GRM8: variants seen among roughly 807,000 people sequenced by gnomAD.
GRM8 encodes metabotropic glutamate receptor 8.
GRM8 carries 47 observed loss-of-function variants against 87.2 expected under a neutral mutation model. The ratio of observed to expected loss-of-function variants is 0.54; its 90% CI spans 0.43 to 0.69. GRM8 has a LOEUF of 0.69. GRM8 is among the 30% of genes least tolerant of loss of function. The pLI is 0.00. For synonymous variants in GRM8, 396 were observed against 404.5 expected (o/e 0.98, Z 0.25); for missense variants, 1,019 against 1,139.2 (o/e 0.89, Z 1.52).
intron 3 of GRM8, among the ~76,000 whole-genome samples, chr7:126,940,467 C>A (rs1415967009): frequency 6.6e-6 from 1 of 152,100 alleles, no homozygotes; most frequent in Non-Finnish European, 1.5e-5. Context: ...ATATGGTGGG[C>A]ACTCACTGGA....
chr7:126,603,705 C>A (rs1798056217), intron 8 of GRM8, among the ~76,000 whole-genome samples: 1 of 152,000 alleles, frequency 6.6e-6, no homozygotes, highest in South Asian at 2.1e-4. Context: ...ATACTTATTT[C>A]ATAGGGTGAA....
chr7:126,585,891 G>T (rs1293965453), intron 8 of GRM8, among the ~76,000 whole-genome samples: 1 of 152,176 alleles, frequency 6.6e-6, no homozygotes, highest in East Asian at 1.9e-4. Context: ...AAGTCAAATT[G>T]TCCCTGTTTG....
At chr7:126,914,980 A>T (rs143560161) in intron 3 of GRM8, among the ~76,000 whole-genome samples, 290 of 152,350 alleles carry the variant, frequency 1.9e-3, no homozygotes, top group African/African-American at 6.7e-3. Context: ...CTTGGCACAG[A>T]GAGCCCCTCT....
At chr7:126,461,836 T>C (rs953837296) in intron 9 of GRM8, among the ~76,000 whole-genome samples, 3 of 151,722 alleles carry the variant, frequency 2.0e-5, no homozygotes, top group Admixed American at 6.6e-5. Flanking sequence ...TGGCTTAATG[T>C]ATTGTTTTTA....
At chr7:127,119,385 C>T (rs137930749) in intron 2 of GRM8, among the ~76,000 whole-genome samples, 2 of 152,026 alleles carry the variant, frequency 1.3e-5, no homozygotes, top group African/African-American at 2.4e-5. Flanking sequence ...ACTCAAGAGG[C>T]TGAGGTATGA....
At chr7:126,894,386 A>G (rs1430917493) in intron 6 of GRM8, among the ~76,000 whole-genome samples, 1 of 152,036 alleles carries the variant, frequency 6.6e-6, no homozygotes, top group Non-Finnish European at 1.5e-5. Context: ...GATTGTGTTT[A>G]TTCAGATACA....
At chr7:126,734,037 G>A (rs1419611804) in intron 7 of GRM8, among the ~76,000 whole-genome samples, 1 of 152,018 alleles carries the variant, frequency 6.6e-6, no homozygotes, top group Non-Finnish European at 1.5e-5. Context: ...ACAATTACCT[G>A]AAATAATGAG....
At chr7:127,232,313 C>T (rs1452382866) in intron 2 of GRM8, among the ~76,000 whole-genome samples, 1 of 152,036 alleles carries the variant, frequency 6.6e-6, no homozygotes, top group African/African-American at 2.4e-5. Flanking sequence ...TCACTGTAGC[C>T]TCAACCACCC....
chr7:126,870,029 C>T (rs1466863476), intron 6 of GRM8: 1 of 150,966 alleles, frequency 6.6e-6, no homozygotes, highest in Non-Finnish European at 1.5e-5. Context: ...ATCAATGCTC[C>T]TGGCTAGGTC....
chr7:126,674,085 C>T (rs1343719006), intron 7 of GRM8, among the ~76,000 whole-genome samples: 1 of 152,080 alleles, frequency 6.6e-6, no homozygotes, highest in Non-Finnish European at 1.5e-5. Flanking sequence ...TCTTCCGATT[C>T]TTATTCCATC....
intron 2 of GRM8, among the ~76,000 whole-genome samples, chr7:127,231,296 A>G (rs1430209098): frequency 6.6e-6 from 1 of 152,210 alleles, no homozygotes; most frequent in African/African-American, 2.4e-5. Context: ...TATACCAGGC[A>G]CTGTTCAGCA....
intron 7 of GRM8, among the ~76,000 whole-genome samples, chr7:126,624,550 G>A (rs949339933): frequency 5.3e-5 from 8 of 152,110 alleles, no homozygotes; most frequent in Admixed American, 4.6e-4. Context: ...TTAACTGATC[G>A]ATATAAATCG....
At chr7:126,773,720 G>C (rs552350907) in intron 6 of GRM8, among the ~76,000 whole-genome samples, 1 of 152,134 alleles carries the variant, frequency 6.6e-6, no homozygotes, top group African/African-American at 2.4e-5. Context: ...AAACAGCCTG[G>C]TGTGGTGGCT....
chr7:127,245,121 C>T (rs573121925), intron 1 of GRM8, among the ~76,000 whole-genome samples: 1 of 152,320 alleles, frequency 6.6e-6, no homozygotes, highest in Admixed American at 6.5e-5. Context: ...AAAGGAAACA[C>T]TCAGAAAGTC....
chr7:126,446,217 A>G lies in GRM8; in HGVS notation c.2586T>C (p.Ala862=). The part of the protein sequence containing the change: ...RKRSFKAVVT[A]ATMQSKLIQK... ...GGATCAGTTTGCTTTGCATGGTGGC[A>G]GCTGTCACCACAGCCTTGAAGCTCC... The change falls in exon 10 of 11, where the codon GCT becomes GCC. Residue 862 remains alanine (A), a synonymous_variant. Coordinates refer to ENST00000339582, the MANE Select transcript of GRM8 (RefSeq NM_000845.3). The G allele has an allele frequency of 6.2e-7, 1 of 1,613,108 alleles. No homozygotes were observed. The highest frequency in any genetic ancestry group is 8.5e-7 in the Non-Finnish European group (1 of 1,179,412).
intron 3 of GRM8, among the ~76,000 whole-genome samples, chr7:127,047,133 A>T (rs1015093814): frequency 2.0e-5 from 3 of 152,098 alleles, no homozygotes; most frequent in Non-Finnish European, 4.4e-5. Flanking sequence ...GCTGTTAAAA[A>T]TTTTTTTTAA....
chr7:127,127,797 A>AT (rs1047519976), intron 2 of GRM8, among the ~76,000 whole-genome samples: 6 of 152,040 alleles, frequency 3.9e-5, no homozygotes, highest in Non-Finnish European at 5.9e-5. Context: ...TTTAATAAAG[A>AT]TTTTTTTAAA....
At chr7:126,439,493 T>C (rs148335736) in intron 10 of GRM8, among the ~76,000 whole-genome samples, 27 of 152,282 alleles carry the variant, frequency 1.8e-4, no homozygotes, top group African/African-American at 6.5e-4. Flanking sequence ...ACAAATTTCC[T>C]GTACTACCAG....
At chr7:126,857,652 T>C (rs1338751166) in intron 6 of GRM8, among the ~76,000 whole-genome samples, 1 of 152,216 alleles carries the variant, frequency 6.6e-6, no homozygotes, top group Non-Finnish European at 1.5e-5. Flanking sequence ...CTCTGTCTTA[T>C]TCATCCTGTG....
Sources: gnomAD v4.1 joint callset for allele counts (sites outside exome capture counted in the v4.1 genomes callset) on GRCh38, gnomAD v4.1.1 for gene constraint, MANE v1.5 for transcripts, NCBI Gene and HGNC (gene_info 2026-07-23, HGNC 2026-07-21) for gene names.